EXOC6B: variants seen among roughly 807,000 people sequenced by gnomAD.
EXOC6B encodes the protein SEC15 homolog B.
EXOC6B carries 54 observed loss-of-function variants against 113.5 expected under a neutral mutation model. That is an observed-to-expected ratio of 0.48 (90% confidence interval 0.38 to 0.60). EXOC6B has a LOEUF of 0.60. Among genes scored for constraint, EXOC6B ranks in the 20% least tolerant of loss-of-function variants. The pLI is 0.00. For missense variants in EXOC6B, 797 were observed against 977.5 expected, an observed-to-expected ratio of 0.82 and a Z score of 2.46; for synonymous variants, 357 against 339.0, an observed-to-expected ratio of 1.05 and a Z score of -0.58.
chr2:72,570,319 A>C lies in EXOC6B; in HGVS notation c.846+5173T>G, dbSNP rs150542589. 4.8e-3 allele frequency among the ~76,000 whole-genome samples: 729 copies of C among 152,316 alleles called. 9 individuals carry two copies. Among genetic ancestry groups the C allele is most frequent in the African/African-American group, 0.016 (677 of 41,570 alleles). ...CCAGCCTCCAGAAATGTGAGAAAAC[A>C]GATTTTTGTTTAAATCACCCATTCT... On this transcript the variant is annotated intron_variant, in intron 7 of 21. Transcript: ENST00000272427.
At chr2:72,341,961 T>C (rs1451726937) in intron 19 of EXOC6B, among the ~76,000 whole-genome samples, 1 of 152,034 alleles carries the variant, frequency 6.6e-6, no homozygotes, top group Non-Finnish European at 1.5e-5. Flanking sequence ...CTCAGAAATA[T>C]GTGGAAATTA....
intron 20 of EXOC6B, among the ~76,000 whole-genome samples, chr2:72,323,422 T>A (rs1209401823): frequency 6.6e-6 from 1 of 152,200 alleles, no homozygotes; most frequent in Admixed American, 6.5e-5. Flanking sequence ...TGGAAGACAG[T>A]GTGGCAATTC....
intron 6 of EXOC6B, among the ~76,000 whole-genome samples, chr2:72,681,337 C>A (rs1050242645): frequency 6.6e-6 from 1 of 152,112 alleles, no homozygotes; most frequent in Non-Finnish European, 1.5e-5. Context: ...CCGCTGTGAG[C>A]ACACCAAAAC....
chr2:72,445,668 T>C (rs2105345194), intron 18 of EXOC6B, among the ~76,000 whole-genome samples: 1 of 152,110 alleles, frequency 6.6e-6, no homozygotes. Context: ...AACCATCAGA[T>C]CTCATGAGAC....
At chr2:72,733,179 G>C in intron 2 of EXOC6B, 61 bp from the exon 3 acceptor site, 1 of 1,209,730 alleles carries the variant, frequency 8.3e-7, no homozygotes, top group Non-Finnish European at 1.2e-6. Flanking sequence ...AGTTGAAAAA[G>C]ATCTAAATTT....
At chr2:72,297,131 T>C (rs1686185559) in intron 20 of EXOC6B, among the ~76,000 whole-genome samples, 1 of 152,212 alleles carries the variant, frequency 6.6e-6, no homozygotes, top group African/African-American at 2.4e-5. Flanking sequence ...TAGATTATAA[T>C]ATAGGTAAAT....
chr2:72,807,726 C>A (rs1173170359), intron 1 of EXOC6B, among the ~76,000 whole-genome samples: 1 of 151,644 alleles, frequency 6.6e-6, no homozygotes, highest in African/African-American at 2.4e-5. Context: ...CATTTATTTG[C>A]GGGATCTAAA....
intron 11 of EXOC6B, among the ~76,000 whole-genome samples, chr2:72,509,306 A>G (rs1387343668): frequency 2.6e-5 from 4 of 152,180 alleles, no homozygotes; most frequent in African/African-American, 9.7e-5. Flanking sequence ...AATTTCTGTC[A>G]TTTAAACCAC....
chr2:72,493,809 T>TAAAAGAGAA (rs1324545193), intron 15 of EXOC6B, among the ~76,000 whole-genome samples: 2 of 152,136 alleles, frequency 1.3e-5, no homozygotes, highest in African/African-American at 2.4e-5. Context: ...CTGTCTAGTG[T>TAAAAGAGAA]AAAAGAGAAA....
At chr2:72,441,374 AGACAAG>A (rs1696189766) in intron 18 of EXOC6B, among the ~76,000 whole-genome samples, 1 of 152,154 alleles carries the variant, frequency 6.6e-6, no homozygotes, top group Admixed American at 6.5e-5. Flanking sequence ...AGCTAGCAGA[AGACAAG>A]GAAAAAACAA....
Position 72,579,393 on chromosome 2 carries a change from C to A in EXOC6B, c.670-3725G>T, listed in dbSNP as rs116114319. ...AAACACTTTACCATTCTTAGACTGC[C>A]CCAAGTCCAGAAAGTGGCATACACA... On this transcript the variant is annotated intron_variant, in intron 6 of 21. Coordinates refer to ENST00000272427, the MANE Select transcript of EXOC6B (RefSeq NM_015189.3). 5.5e-3 allele frequency among the ~76,000 whole-genome samples: 844 copies of A among 152,198 alleles called. 7 individuals carry two copies. The highest frequency in any genetic ancestry group is 0.02 in the African/African-American group (816 of 41,536).
intron 11 of EXOC6B, among the ~76,000 whole-genome samples, chr2:72,502,659 T>C (rs1700386471): frequency 6.6e-6 from 1 of 152,188 alleles, no homozygotes; most frequent in African/African-American, 2.4e-5. Context: ...ATTTCCAATA[T>C]AAAAAATTGT....
At chr2:72,234,608 T>C (rs1295641079) in intron 20 of EXOC6B, among the ~76,000 whole-genome samples, 1 of 151,912 alleles carries the variant, frequency 6.6e-6, no homozygotes, top group Non-Finnish European at 1.5e-5. Flanking sequence ...AAAGAAACTA[T>C]CAACAGAGTA....
intron 20 of EXOC6B, among the ~76,000 whole-genome samples, chr2:72,199,340 C>T (rs2104324721): frequency 6.6e-6 from 1 of 152,304 alleles, no homozygotes; most frequent in South Asian, 2.1e-4. Flanking sequence ...TAAGTGCTTG[C>T]TAAAAATCTT....
intron 6 of EXOC6B, among the ~76,000 whole-genome samples, chr2:72,649,578 AAAT>A (rs1441228865): frequency 6.6e-6 from 1 of 152,244 alleles, no homozygotes; most frequent in African/African-American, 2.4e-5. Context: ...TTTAAAAACT[AAAT>A]AAATAAAATT....
intron 8 of EXOC6B, among the ~76,000 whole-genome samples, chr2:72,541,699 A>G (rs1336650671): frequency 6.6e-6 from 1 of 152,170 alleles, no homozygotes; most frequent in Non-Finnish European, 1.5e-5. Flanking sequence ...TATAATATGA[A>G]TATGTGGTGA....
chr2:72,706,958 A>G (rs1678922051), intron 6 of EXOC6B, among the ~76,000 whole-genome samples: 1 of 152,186 alleles, frequency 6.6e-6, no homozygotes, highest in South Asian at 2.1e-4. Flanking sequence ...AGTCACATGT[A>G]AGCACTCAAG....
chr2:72,769,251 C>G (rs555117347), intron 1 of EXOC6B, among the ~76,000 whole-genome samples: 2 of 151,998 alleles, frequency 1.3e-5, no homozygotes, highest in South Asian at 4.2e-4. Flanking sequence ...CAGAATGAAG[C>G]ACAGAGATGG....
intron 20 of EXOC6B, among the ~76,000 whole-genome samples, chr2:72,286,655 T>G (rs1685444791): frequency 6.6e-6 from 1 of 152,100 alleles, no homozygotes; most frequent in African/African-American, 2.4e-5. Flanking sequence ...TTTTGGGTGA[T>G]AATGATATGT....
Sources: allele counts gnomAD v4.1 joint callset (sites outside exome capture counted in the v4.1 genomes callset), GRCh38; gene constraint gnomAD v4.1.1; transcripts MANE v1.5; gene names NCBI Gene and HGNC (gene_info 2026-07-23, HGNC 2026-07-21).